The following LAMA1 variants were observed in gnomAD, a reference collection of about 807,000 sequenced individuals.
The protein encoded by LAMA1 is laminin subunit alpha 1.
In LAMA1, 219 loss-of-function variants were observed where a neutral mutation model predicts 348.7. The ratio of observed to expected loss-of-function variants is 0.63; its 90% CI spans 0.56 to 0.70. LAMA1 has a LOEUF of 0.70. Ranked by LOEUF, LAMA1 falls within the 30% of genes least tolerant of loss-of-function variation. The probability of loss-of-function intolerance (pLI) is 0.00; values close to 1 mark genes in which losing one functional copy is unlikely to be tolerated. For synonymous variants in LAMA1, 1,487 were observed against 1,491.0 expected, an observed-to-expected ratio of 1.00 and a Z score of 0.06; for missense variants, 3,744 against 3,888.0, an observed-to-expected ratio of 0.96 and a Z score of 0.99.
intron 1 of LAMA1, among the ~76,000 whole-genome samples, chr18:7,082,327 G>C (rs1268035323): frequency 2.0e-5 from 3 of 151,966 alleles, no homozygotes; most frequent in Non-Finnish European, 4.4e-5. Context: ...ACTTAAAGAT[G>C]CTTATTTTTA....
intron 53 of LAMA1, 158 bp from the exon 54 acceptor site, chr18:6,959,650 TTAC>T: frequency 2.6e-6 from 2 of 757,690 alleles, no homozygotes; most frequent in Non-Finnish European, 4.5e-6. Context: ...ATTTTGTATG[TTAC>T]TTTCTAATCT....
intron 1 of LAMA1, among the ~76,000 whole-genome samples, chr18:7,098,554 G>T (rs1163799926): frequency 6.7e-6 from 1 of 149,626 alleles, no homozygotes; most frequent in Non-Finnish European, 1.5e-5. Flanking sequence ...CCGTCTGGGA[G>T]GTGAGGAGCA....
At chr18:6,975,163 A>C (rs1323290079) in intron 45 of LAMA1, 127 bp from the exon 46 acceptor site, 12 of 1,135,940 alleles carry the variant, frequency 1.1e-5, no homozygotes, top group Non-Finnish European at 1.3e-5. Context: ...TAAAAAGCAA[A>C]CCCCCCAAAT....
chr18:7,038,343 C>T (rs1375243115), intron 11 of LAMA1, among the ~76,000 whole-genome samples: 5 of 152,144 alleles, frequency 3.3e-5, no homozygotes, highest in African/African-American at 1.2e-4. Context: ...CCAGAACTCC[C>T]TGTTCCGGAA....
At chr18:7,029,295 T>C (rs1485698096) in intron 16 of LAMA1, among the ~76,000 whole-genome samples, 1 of 152,140 alleles carries the variant, frequency 6.6e-6, no homozygotes, top group Non-Finnish European at 1.5e-5. Context: ...GACAACAGAG[T>C]CTTAGACCCT....
chr18:6,952,033 GA>G (rs1273895978), intron 57 of LAMA1, among the ~76,000 whole-genome samples: 1 of 152,112 alleles, frequency 6.6e-6, no homozygotes, highest in Non-Finnish European at 1.5e-5. Context: ...TGCAGATCTC[GA>G]GTGGCTGGTG....
chr18:7,048,034 C>T (rs1285204006), intron 5 of LAMA1, among the ~76,000 whole-genome samples: 3 of 152,068 alleles, frequency 2.0e-5, no homozygotes, highest in Non-Finnish European at 4.4e-5. Context: ...AATTGGGATT[C>T]GTCACAAAAC....
intron 3 of LAMA1, 150 bp downstream of exon 3, chr18:7,079,825 C>G: frequency 1.5e-6 from 1 of 679,594 alleles, no homozygotes; most frequent in Non-Finnish European, 2.7e-6. Flanking sequence ...ACCAGGGACT[C>G]CTTCTGTATA....
chr18:7,037,449 A>T (rs1019371477), intron 12 of LAMA1, 129 bp downstream of exon 12: 5 of 980,352 alleles, frequency 5.1e-6, no homozygotes, highest in Non-Finnish European at 8.1e-6. Context: ...ATGCAAGTAC[A>T]GGCTATGAAA....
chr18:6,987,055 G>C (rs918397790), intron 36 of LAMA1, among the ~76,000 whole-genome samples: 1 of 152,130 alleles, frequency 6.6e-6, no homozygotes, highest in African/African-American at 2.4e-5. Flanking sequence ...CACTGCGCCC[G>C]GCCCAAAGCT....
At chr18:7,028,720 C>A (rs529243484) in intron 16 of LAMA1, among the ~76,000 whole-genome samples, 2 of 152,346 alleles carry the variant, frequency 1.3e-5, no homozygotes, top group East Asian at 3.9e-4. Flanking sequence ...CCTTCCCCCC[C>A]TCATTTAAAA....
In LAMA1 at chr18:6,983,097, A is replaced by G; in HGVS notation, c.5796+2T>C. ...AGAAAAAGAAGCCACGTCGTTTCCT[A>G]CCAGGCTCGTCTCAGTCACAGTCCT... On this transcript the variant is annotated splice_donor_variant, in intron 40 of 62. Coordinates refer to ENST00000389658, the MANE Select transcript of LAMA1 (RefSeq NM_005559.4). LOFTEE classifies it high-confidence loss of function. 6.2e-7 allele frequency: 1 copy of G among 1,614,102 alleles called. No homozygotes were observed. The highest frequency in any genetic ancestry group is 1.6e-4 in the Middle Eastern group (1 of 6,062).
chr18:6,994,911 C>T (rs139091186), intron 34 of LAMA1, among the ~76,000 whole-genome samples: 5 of 152,130 alleles, frequency 3.3e-5, no homozygotes, highest in African/African-American at 1.2e-4. Flanking sequence ...GAAGTTTGCA[C>T]AGATGCCTCA....
intron 56 of LAMA1, chr18:6,956,269 T>C (rs2057577093): frequency 2.8e-6 from 1 of 358,094 alleles, no homozygotes; most frequent in Non-Finnish European, 5.4e-6. Context: ...GAATCTTTTT[T>C]TTTTTTTAAA....
chr18:7,098,364 G>A (rs1415716712), intron 1 of LAMA1, among the ~76,000 whole-genome samples: 7 of 151,548 alleles, frequency 4.6e-5, no homozygotes, highest in Non-Finnish European at 1.0e-4. Context: ...GGAAAGTGAG[G>A]AGCGTCTCCG....
chr18:7,067,919 T>A (rs965097869), intron 3 of LAMA1, among the ~76,000 whole-genome samples: 1 of 151,932 alleles, frequency 6.6e-6, no homozygotes, highest in Non-Finnish European at 1.5e-5. Flanking sequence ...AATGGCACGA[T>A]CTTGGCTCAC....
chr18:7,093,063 T>C (rs914046793), intron 1 of LAMA1, among the ~76,000 whole-genome samples: 1 of 152,144 alleles, frequency 6.6e-6, no homozygotes, highest in African/African-American at 2.4e-5. Context: ...TTTTCCATGC[T>C]GTGTACCCAA....
chr18:7,071,237 C>G (rs938332253), intron 3 of LAMA1, among the ~76,000 whole-genome samples: 11 of 152,200 alleles, frequency 7.2e-5, no homozygotes, highest in African/African-American at 2.4e-4. Context: ...TCTGGGCAAG[C>G]CTGTGACCTG....
At chr18:6,996,512 C>T (rs1222837844) in intron 33 of LAMA1, among the ~76,000 whole-genome samples, 1 of 152,066 alleles carries the variant, frequency 6.6e-6, no homozygotes, top group Non-Finnish European at 1.5e-5. Context: ...GTAGCTCATG[C>T]CTATAATCCC....
Sources: allele counts gnomAD v4.1 joint callset (sites outside exome capture counted in the v4.1 genomes callset), GRCh38; gene constraint gnomAD v4.1.1; transcripts MANE v1.5; gene names NCBI Gene and HGNC (gene_info 2026-07-23, HGNC 2026-07-21).